SIPA1L1: variants seen among roughly 807,000 people sequenced by gnomAD.
The protein encoded by SIPA1L1 is signal induced proliferation associated 1 like 1.
A neutral mutation model predicts 162.7 loss-of-function variants in SIPA1L1; 26 were observed. The observed-to-expected ratio is 0.16, with a 90% CI of 0.12 to 0.22. SIPA1L1 has a LOEUF of 0.22. SIPA1L1 is among the 10% of genes least tolerant of loss of function. The pLI is 1.00. For synonymous variants in SIPA1L1, 829 were observed against 837.4 expected (o/e 0.99, Z 0.17); for missense variants, 1,874 against 2,241.0 (o/e 0.84, Z 3.31).
In SIPA1L1 at chr14:71,464,662, C is replaced by CA. The variant is rs1008732200; in HGVS notation, c.-464-48073dup. ...TCTCAAAAAACAAAACAAAACAAAA[C>CA]AAAAAAAACAAACAGAGTCCCTACT... On this transcript the variant is annotated intron_variant, in intron 2 of 23. Transcript: ENST00000381232. Among the ~76,000 whole-genome samples, 9 of 148,454 alleles carry CA rather than the reference C, an allele frequency of 6.1e-5. No homozygotes were observed. The South Asian group carries it at 8.6e-4, about 14-fold the overall frequency.
intron 5 of SIPA1L1, among the ~76,000 whole-genome samples, chr14:71,601,921 A>T (rs1208513588): frequency 9.8e-5 from 14 of 143,262 alleles, no homozygotes; most frequent in African/African-American, 7.7e-5. Flanking sequence ...CTTTTTTTTC[A>T]TTTCTGATTT....
intron 2 of SIPA1L1, chr14:71,415,940 G>A (rs1346694482): frequency 6.6e-6 from 1 of 152,088 alleles, no homozygotes; most frequent in Non-Finnish European, 1.5e-5. Context: ...TCAGATGATC[G>A]GCCTGCCTCG....
At chr14:71,576,793 A>G (rs761955270) in intron 4 of SIPA1L1, among the ~76,000 whole-genome samples, 6 of 152,200 alleles carry the variant, frequency 3.9e-5, no homozygotes, top group South Asian at 2.1e-4. Context: ...AAATAAGAAA[A>G]TAATGGCAGG....
rs981507074 is a variant in SIPA1L1, at chr14:71,481,247, G to A, written c.-464-31496G>A. Among the ~76,000 whole-genome samples, 4 of 152,184 alleles carry A rather than the reference G, an allele frequency of 2.6e-5. No individual in the cohort carries two copies. In the South Asian group the frequency reaches 8.3e-4, roughly 32 times the overall value. ...TAACCCTAGCACTTTGAGAACCTGA[G>A]GTGGGTGGATAGCTTGAACTCACGA... On this transcript the variant is annotated intron_variant, in intron 2 of 23. Coordinates refer to ENST00000381232, the MANE Select transcript of SIPA1L1 (RefSeq NM_001386936.1).
chr14:71,534,080 T>C (rs1408891568), intron 4 of SIPA1L1, among the ~76,000 whole-genome samples: 1 of 151,608 alleles, frequency 6.6e-6, no homozygotes, highest in East Asian at 1.9e-4. Context: ...AAAATAAAAA[T>C]AAAAATAAAA....
Position 71,604,540 on chromosome 14 carries a change from AT to A in SIPA1L1, c.1499-14208del, listed in dbSNP as rs763540022. On this transcript the variant is annotated intron_variant, in intron 5 of 23. Transcript: ENST00000381232. ...TTCCAGGGCTAGGACTCACTTAAGC[AT>A]TTTTTTTTAGCACTGAATTTAACAC... is the stretch of plus-strand genomic sequence containing the variant. Among the ~76,000 whole-genome samples, 23 of 150,408 alleles carry A rather than the reference AT, an allele frequency of 1.5e-4. No homozygotes were observed. In the East Asian group the frequency reaches 2.3e-3, roughly 15 times the overall value.
chr14:71,515,799 A>G (rs999536167), intron 3 of SIPA1L1, among the ~76,000 whole-genome samples: 8 of 151,974 alleles, frequency 5.3e-5, no homozygotes, highest in African/African-American at 1.7e-4. Context: ...CACCAGGCCC[A>G]GCTAATTTTT....
At chr14:71,608,727 T>C (rs1174134606) in intron 5 of SIPA1L1, among the ~76,000 whole-genome samples, 32 of 152,032 alleles carry the variant, frequency 2.1e-4, no homozygotes, top group Non-Finnish European at 7.4e-5. Context: ...AAACCCCGTC[T>C]CTACTAAAAA....
intron 2 of SIPA1L1, among the ~76,000 whole-genome samples, chr14:71,323,354 G>T (rs891001300): frequency 1.3e-5 from 2 of 152,144 alleles, no homozygotes; most frequent in African/African-American, 2.4e-5. Context: ...GCTGTGAAAT[G>T]GGAGCATGAG....
intron 2 of SIPA1L1, among the ~76,000 whole-genome samples, chr14:71,323,457 A>G (rs1340390367): frequency 1.3e-5 from 2 of 152,108 alleles, no homozygotes; most frequent in Non-Finnish European, 2.9e-5. Context: ...TTACCGTTGT[A>G]TTATCATTGT....
chr14:71,441,441 C>T (rs2044846120), intron 2 of SIPA1L1, among the ~76,000 whole-genome samples: 1 of 152,146 alleles, frequency 6.6e-6, no homozygotes. Flanking sequence ...TGGGTTGAAC[C>T]TTTAGCCATC....
At position 71,510,093 on chromosome 14, in the gene SIPA1L1, G is replaced by A. The variant is rs777513470; in HGVS notation, c.-464-2650G>A. ...TGTAAATTTTATTTAACAGTTCTTG[G>A]CAACTTTGAACCAAAAATCTTTTCT... On this transcript the variant is annotated intron_variant, in intron 2 of 23. Coordinates refer to ENST00000381232, the MANE Select transcript of SIPA1L1 (RefSeq NM_001386936.1). Among the ~76,000 whole-genome samples, 7 of 151,736 alleles carry A rather than the reference G, an allele frequency of 4.6e-5. No homozygotes were observed. The South Asian group carries it at 6.2e-4, about 14-fold the overall frequency.
At chr14:71,582,783 C>A (rs2034117858) in intron 4 of SIPA1L1, among the ~76,000 whole-genome samples, 1 of 152,190 alleles carries the variant, frequency 6.6e-6, no homozygotes, top group African/African-American at 2.4e-5. Context: ...TTTCTCAACT[C>A]TTCCTGCTTT....
intron 21 of SIPA1L1, among the ~76,000 whole-genome samples, chr14:71,735,021 T>TA (rs1279975736): frequency 6.6e-6 from 1 of 152,188 alleles, no homozygotes; most frequent in African/African-American, 2.4e-5. Context: ...CATAGAATGC[T>TA]ACAGTGATGA....
Position 71,493,036 on chromosome 14 carries a change from C to T in SIPA1L1, c.-464-19707C>T, listed in dbSNP as rs187988167. 2.4e-4 allele frequency among the ~76,000 whole-genome samples: 36 copies of T among 152,166 alleles called. 1 individual carries two copies. The East Asian group carries it at 5.6e-3, about 24-fold the overall frequency. On this transcript the variant is annotated intron_variant, in intron 2 of 23. Transcript: ENST00000381232. The stretch of plus-strand genomic sequence containing the variant: ...CTCCAATTTCCAAATCAATTTATAT[C>T]GAAAGAATATATCTGTGGTGCCTGC...
At chr14:71,360,605 C>A (rs2037715522) in intron 2 of SIPA1L1, among the ~76,000 whole-genome samples, 1 of 152,202 alleles carries the variant, frequency 6.6e-6, no homozygotes, top group South Asian at 2.1e-4. Context: ...TTATTTCATC[C>A]TATACAAAGT....
chr14:71,516,273 T>C (rs560474211), intron 3 of SIPA1L1, among the ~76,000 whole-genome samples: 1 of 152,372 alleles, frequency 6.6e-6, no homozygotes, highest in East Asian at 1.9e-4. Flanking sequence ...GTTGAAATTA[T>C]GCTGTTCTTA....
rs374118799 is a variant in SIPA1L1 at position 71,447,178 on chromosome 14, T to C, written c.-464-65565T>C. Among the ~76,000 whole-genome samples the C allele has an allele frequency of 3.5e-4, 53 of 151,878 alleles. No individual in the cohort carries two copies. In the South Asian group the frequency reaches 0.01, roughly 30 times the overall value. ...ATCCTCCTGCCTTAGCCTCCCAAAG[T>C]GTTGGCATTACAGGCATGAGCCACC... On this transcript the variant is annotated intron_variant, in intron 2 of 23. Coordinates refer to ENST00000381232, the MANE Select transcript of SIPA1L1 (RefSeq NM_001386936.1).
At chr14:71,532,051 A>G (rs1027253192) in intron 4 of SIPA1L1, among the ~76,000 whole-genome samples, 1 of 152,046 alleles carries the variant, frequency 6.6e-6, no homozygotes, top group Non-Finnish European at 1.5e-5. Flanking sequence ...TTTTACTTAA[A>G]TGTTTAACAT....
Sources: allele counts gnomAD v4.1 joint callset (sites outside exome capture counted in the v4.1 genomes callset), GRCh38; gene constraint gnomAD v4.1.1; transcripts MANE v1.5; gene names NCBI Gene and HGNC (gene_info 2026-07-23, HGNC 2026-07-21).